VWA8: variants seen among roughly 807,000 people sequenced by gnomAD.
The protein encoded by VWA8 is von Willebrand factor A domain-containing protein 8.
VWA8 carries 221 observed loss-of-function variants against 241.5 expected under a neutral mutation model. The ratio of observed to expected loss-of-function variants is 0.91; its 90% confidence interval spans 0.82 to 1.02. The LOEUF (loss-of-function observed/expected upper bound fraction) is 1.02, where lower values mean the gene tolerates loss of function less well. Ranked by LOEUF, VWA8 falls within the 50% of genes least tolerant of loss-of-function variation. The pLI is 0.00. For synonymous variants in VWA8, 852 were observed against 827.1 expected (o/e 1.03, Z -0.52); for missense variants, 2,322 against 2,328.7 (o/e 1.00, Z 0.06).
At chr13:41,616,375 AT>A (rs1172727400) in intron 37 of VWA8, among the ~76,000 whole-genome samples, 2 of 152,198 alleles carry the variant, frequency 1.3e-5, no homozygotes. Context: ...CTCCAAGAAA[AT>A]TTAGCAGCCA....
At chr13:41,873,450 G>T (rs1156839266) in intron 9 of VWA8, among the ~76,000 whole-genome samples, 1 of 151,544 alleles carries the variant, frequency 6.6e-6, no homozygotes, top group Non-Finnish European at 1.5e-5. Context: ...GACTAATAAA[G>T]AAAAAAAGAG....
intron 29 of VWA8, among the ~76,000 whole-genome samples, chr13:41,695,885 G>A (rs2086406586): frequency 6.6e-6 from 1 of 152,106 alleles, no homozygotes; most frequent in African/African-American, 2.4e-5. Context: ...ATCTTTTGAG[G>A]AAATAAAACT....
chr13:41,751,327 T>C (rs2045654882), intron 21 of VWA8, among the ~76,000 whole-genome samples: 1 of 152,092 alleles, frequency 6.6e-6, no homozygotes, highest in Non-Finnish European at 1.5e-5. Flanking sequence ...AATAAAAATG[T>C]TTCCAAAACA....
rs765789141 is a variant in VWA8 at position 41,685,086 on chromosome 13, G to A, written c.4288C>T (p.Pro1430Ser). The change falls in exon 35 of 45, where the codon CCC becomes TCC. Residue 1430 changes from proline to serine, a missense_variant. Transcript: ENST00000379310. ...TCTTTTAGAGGGACTTCTCCTGGGG[G>A]TAAAATCCTCACTACCTGATTCGTA... is the stretch of plus-strand genomic sequence containing the variant. ...LDTNQVVRIL[P>S]PGEVPLKDIY... is the part of the protein sequence containing the mutation. 3 of 1,613,438 alleles carry A rather than the reference G, an allele frequency of 1.9e-6. No individual in the cohort carries two copies. Among genetic ancestry groups the A allele is most frequent in the South Asian group, 1.1e-5 (1 of 91,032 alleles).
At chr13:41,586,070 T>G (rs1310225219) in intron 42 of VWA8, among the ~76,000 whole-genome samples, 3 of 151,958 alleles carry the variant, frequency 2.0e-5, no homozygotes, top group South Asian at 4.1e-4. Flanking sequence ...TAGTCATCAA[T>G]GGTCCAAGTG....
intron 37 of VWA8, among the ~76,000 whole-genome samples, chr13:41,634,922 G>A (rs1389930166): frequency 6.6e-6 from 1 of 152,040 alleles, no homozygotes; most frequent in Non-Finnish European, 1.5e-5. Flanking sequence ...TTTTTTGAAA[G>A]GCAGCTTGAT....
intron 29 of VWA8, among the ~76,000 whole-genome samples, chr13:41,698,302 T>C (rs1291592571): frequency 3.3e-5 from 5 of 151,944 alleles, no homozygotes; most frequent in Non-Finnish European, 7.4e-5. Context: ...ATATACTAGA[T>C]AGATAATAGG....
chr13:41,668,190 T>C (rs1265916053), intron 37 of VWA8, among the ~76,000 whole-genome samples: 1 of 152,208 alleles, frequency 6.6e-6, no homozygotes, highest in African/African-American at 2.4e-5. Flanking sequence ...TCTTTTGTGG[T>C]GGATGGCATG....
rs140621828 is a variant in VWA8 at position 41,628,646 on chromosome 13, G to A, written c.4612-13562C>T. On this transcript the variant is annotated intron_variant, in intron 37 of 44. Transcript: ENST00000379310. ...TTTTGCAGCAACATGAATGCAGCTA[G>A]AGGCCATTATCCTAAGCAAATTAAT... Among the ~76,000 whole-genome samples, 781 of 152,252 alleles carry A rather than the reference G, an allele frequency of 5.1e-3. 5 individuals carry two copies. The highest frequency in any genetic ancestry group is 0.017 in the Middle Eastern group (5 of 294).
At chr13:41,580,539 A>C (rs1202196833) in intron 42 of VWA8, among the ~76,000 whole-genome samples, 1 of 152,174 alleles carries the variant, frequency 6.6e-6, no homozygotes, top group Admixed American at 6.6e-5. Flanking sequence ...TTTCTGATCA[A>C]GGTATCTTTG....
At chr13:41,738,460 A>T (rs986207835) in intron 21 of VWA8, among the ~76,000 whole-genome samples, 14 of 152,204 alleles carry the variant, frequency 9.2e-5, no homozygotes, top group African/African-American at 3.4e-4. Context: ...TTTAGTTTAC[A>T]AAATCTACTT....
intron 2 of VWA8, among the ~76,000 whole-genome samples, chr13:41,949,482 G>T (rs540900809): frequency 1.3e-5 from 2 of 152,234 alleles, no homozygotes; most frequent in African/African-American, 4.8e-5. Context: ...TCAGGGGGTA[G>T]GGGGCTAGGG....
chr13:41,817,995 C>T (rs934068217), intron 15 of VWA8, among the ~76,000 whole-genome samples: 33 of 151,628 alleles, frequency 2.2e-4, no homozygotes, highest in Non-Finnish European at 5.9e-5. Flanking sequence ...CGGAGTCTCA[C>T]TCTGTCACTC....
chr13:41,693,959 T>C (rs754633719), intron 29 of VWA8, among the ~76,000 whole-genome samples: 20 of 151,976 alleles, frequency 1.3e-4, no homozygotes, highest in Non-Finnish European at 2.5e-4. Context: ...TCCTAACTCT[T>C]GTGAACTTTT....
chr13:41,844,872 T>C (rs78621201), intron 12 of VWA8, among the ~76,000 whole-genome samples: 348 of 151,166 alleles, frequency 2.3e-3, no homozygotes, highest in Non-Finnish European at 4.1e-3. Flanking sequence ...AGGAGAACTA[T>C]AAAACACTGC....
At chr13:41,663,429 T>C (rs574220488) in intron 37 of VWA8, among the ~76,000 whole-genome samples, 10 of 151,416 alleles carry the variant, frequency 6.6e-5, no homozygotes, top group South Asian at 2.1e-4. Context: ...ATAAGTCAAA[T>C]AGTACTACAA....
chr13:41,829,558 CACACACACAT>C lies in VWA8; in HGVS notation c.1700+961_1700+970del, dbSNP rs761536699. Reference sequence around the variant, plus strand: ...ACACACACACACACACACACACACACACACACACATGCACACACACACACACCATGGAATA... The same window carrying C: ...ACACACACACACACACACACACACACGCACACACACACACACCATGGAATA... On this transcript the variant is annotated intron_variant, in intron 14 of 44. Coordinates refer to ENST00000379310, the MANE Select transcript of VWA8 (RefSeq NM_015058.2). 9.8e-3 allele frequency among the ~76,000 whole-genome samples: 1,423 copies of C among 145,770 alleles called. 10 individuals carry two copies. Among genetic ancestry groups the C allele is most frequent in the Non-Finnish European group, 0.014 (949 of 65,572 alleles).
At chr13:41,839,481 C>G (rs1871895481) in intron 12 of VWA8, among the ~76,000 whole-genome samples, 2 of 152,148 alleles carry the variant, frequency 1.3e-5, no homozygotes, top group African/African-American at 2.4e-5. Flanking sequence ...TGTGCAGAAG[C>G]TCTTTAGTTT....
chr13:41,924,999 T>C (rs1232462328), intron 2 of VWA8, among the ~76,000 whole-genome samples: 1 of 151,276 alleles, frequency 6.6e-6, no homozygotes, highest in Non-Finnish European at 1.5e-5. Flanking sequence ...AGACAGAGAG[T>C]TTTAAAAGCA....
Sources: gnomAD v4.1 joint callset for allele counts (sites outside exome capture counted in the v4.1 genomes callset) on GRCh38, gnomAD v4.1.1 for gene constraint, MANE v1.5 for transcripts, NCBI Gene and HGNC (gene_info 2026-07-23, HGNC 2026-07-21) for gene names.